The following CDH9 variants were observed in gnomAD, a reference collection of about 807,000 sequenced individuals.
CDH9 encodes cadherin 9, also known as cadherin-9.
CDH9 carries 28 observed loss-of-function variants against 70.9 expected under a neutral mutation model. The ratio of observed to expected loss-of-function variants is 0.40; its 90% CI spans 0.29 to 0.54. The LOEUF (loss-of-function observed/expected upper bound fraction) is 0.54. CDH9 is among the 20% of genes least tolerant of loss of function. CDH9 has a pLI of 0.59. For missense variants in CDH9, 874 were observed against 984.4 expected, an observed-to-expected ratio of 0.89 and a Z score of 1.50; for synonymous variants, 409 against 343.1, an observed-to-expected ratio of 1.19 and a Z score of -2.12.
chr5:26,953,040 A>C (rs1247050486), intron 2 of CDH9, among the ~76,000 whole-genome samples: 3 of 152,146 alleles, frequency 2.0e-5, no homozygotes, highest in Non-Finnish European at 4.4e-5. Flanking sequence ...CAGTAGCAGC[A>C]TAAAGCACGC....
At chr5:27,017,900 C>T (rs939383737) in intron 1 of CDH9, among the ~76,000 whole-genome samples, 3 of 143,604 alleles carry the variant, frequency 2.1e-5, no homozygotes, top group Admixed American at 7.0e-5. Context: ...TGATGTAGTA[C>T]GTATTTTAGT....
chr5:26,920,557 G>A (rs928772888), intron 2 of CDH9, among the ~76,000 whole-genome samples: 11 of 152,070 alleles, frequency 7.2e-5, no homozygotes, highest in Admixed American at 7.2e-4. Context: ...GTGGGCCTTG[G>A]GAGACACCCA....
intron 2 of CDH9, among the ~76,000 whole-genome samples, chr5:26,981,216 C>T (rs1579491857): frequency 6.6e-6 from 1 of 152,042 alleles, no homozygotes; most frequent in Non-Finnish European, 1.5e-5. Flanking sequence ...CCCTCGGTAT[C>T]CGTGGGTGAT....
intron 1 of CDH9, among the ~76,000 whole-genome samples, chr5:26,988,903 T>G (rs1742534711): frequency 1.3e-5 from 2 of 152,032 alleles, no homozygotes; most frequent in Admixed American, 6.6e-5. Context: ...TCAAGGCAAA[T>G]TATATGGTAC....
rs112344527 is a variant in CDH9 at position 27,034,093 on chromosome 5, C to T, written c.-50+4370G>A. On this transcript the variant is annotated intron_variant, in intron 1 of 11. Coordinates refer to ENST00000231021, the MANE Select transcript of CDH9 (RefSeq NM_016279.4). ...AATAATATATAAAGTATGTCGACTGCAGCATATTCCAATATAAATTCTGTT... is the reference window on the plus strand; with the variant it reads ...AATAATATATAAAGTATGTCGACTGTAGCATATTCCAATATAAATTCTGTT... 5.8e-4 allele frequency among the ~76,000 whole-genome samples: 88 copies of T among 151,798 alleles called. 1 individual carries two copies. The highest frequency in any genetic ancestry group is 2.0e-3 in the African/African-American group (85 of 41,518).
chr5:26,992,318 T>C (rs1742591187), intron 1 of CDH9, among the ~76,000 whole-genome samples: 1 of 152,068 alleles, frequency 6.6e-6, no homozygotes, highest in Non-Finnish European at 1.5e-5. Flanking sequence ...AATGGGGCTG[T>C]TGGGAGTTGA....
At chr5:26,951,457 A>T (rs1357452043) in intron 2 of CDH9, among the ~76,000 whole-genome samples, 1 of 152,142 alleles carries the variant, frequency 6.6e-6, no homozygotes, top group African/African-American at 2.4e-5. Context: ...GTTGCTTTTG[A>T]TAATTAAATC....
chr5:26,946,719 T>G (rs2112042000), intron 2 of CDH9, among the ~76,000 whole-genome samples: 1 of 152,292 alleles, frequency 6.6e-6, no homozygotes, highest in African/African-American at 2.4e-5. Context: ...GAGAAAAAAT[T>G]GGTAGCAGGC....
chr5:26,927,315 C>T (rs548302272), intron 2 of CDH9, among the ~76,000 whole-genome samples: 3 of 152,112 alleles, frequency 2.0e-5, no homozygotes, highest in Non-Finnish European at 4.4e-5. Flanking sequence ...AAGTGAAATA[C>T]TTTCCTCTAA....
intron 7 of CDH9, among the ~76,000 whole-genome samples, chr5:26,899,877 A>AT (rs1740824650): frequency 6.6e-6 from 1 of 151,984 alleles, no homozygotes; most frequent in Non-Finnish European, 1.5e-5. Context: ...ATTTAAAAAA[A>AT]AAAAGAAAAA....
chr5:26,906,484 G>A (rs1312045442), intron 4 of CDH9, among the ~76,000 whole-genome samples: 2 of 151,954 alleles, frequency 1.3e-5, no homozygotes, highest in Admixed American at 1.3e-4. Context: ...GTGAAATTTT[G>A]TATTTAGTGT....
intron 1 of CDH9, among the ~76,000 whole-genome samples, chr5:27,026,980 A>G (rs1743230713): frequency 6.6e-6 from 1 of 152,136 alleles, no homozygotes; most frequent in Non-Finnish European, 1.5e-5. Flanking sequence ...ACAGTTGTTA[A>G]TGCAATTCAA....
intron 2 of CDH9, among the ~76,000 whole-genome samples, chr5:26,924,337 T>C (rs1421425554): frequency 6.6e-6 from 1 of 151,496 alleles, no homozygotes; most frequent in Non-Finnish European, 1.5e-5. Flanking sequence ...CCCACCAAGA[T>C]TGGACCATGA....
chr5:27,026,578 T>C (rs1485820435), intron 1 of CDH9, among the ~76,000 whole-genome samples: 8 of 151,964 alleles, frequency 5.3e-5, no homozygotes, highest in African/African-American at 1.9e-4. Context: ...CTCTAGAAAA[T>C]ACCTTCTTGT....
At chr5:27,026,060 T>C (rs1743215190) in intron 1 of CDH9, among the ~76,000 whole-genome samples, 1 of 151,962 alleles carries the variant, frequency 6.6e-6, no homozygotes, top group Non-Finnish European at 1.5e-5. Flanking sequence ...TTGAACTCTC[T>C]GTTTGAAATT....
chr5:27,019,380 C>T (rs1350144824), intron 1 of CDH9, among the ~76,000 whole-genome samples: 1 of 151,810 alleles, frequency 6.6e-6, no homozygotes, highest in South Asian at 2.1e-4. Context: ...ATGCTAATCC[C>T]ATCTTAGTAA....
chr5:26,896,150 G>C (rs1330766485), intron 7 of CDH9, among the ~76,000 whole-genome samples: 1 of 151,928 alleles, frequency 6.6e-6, no homozygotes, highest in African/African-American at 2.4e-5. Flanking sequence ...TCTAGGACTT[G>C]AGTACCCTAT....
chr5:26,886,786 C>T (rs1222583124), intron 9 of CDH9, among the ~76,000 whole-genome samples: 2 of 152,060 alleles, frequency 1.3e-5, no homozygotes, highest in African/African-American at 4.8e-5. Context: ...AGAAGTGTGT[C>T]CTAATGGAAT....
At chr5:26,927,245 A>G (rs1442590426) in intron 2 of CDH9, among the ~76,000 whole-genome samples, 2 of 151,980 alleles carry the variant, frequency 1.3e-5, no homozygotes, top group South Asian at 2.1e-4. Context: ...ATAGAAAAAA[A>G]CATACTTTAA....
Sources: gnomAD v4.1 joint callset for allele counts (sites outside exome capture counted in the v4.1 genomes callset) on GRCh38, gnomAD v4.1.1 for gene constraint, MANE v1.5 for transcripts, NCBI Gene and HGNC (gene_info 2026-07-23, HGNC 2026-07-21) for gene names.